N4BP2: variants seen among roughly 807,000 people sequenced by gnomAD.
N4BP2 encodes NEDD4-binding protein 2.
In N4BP2, 91 loss-of-function variants were observed where a neutral mutation model predicts 152.8. The ratio of observed to expected loss-of-function variants is 0.60; its 90% CI spans 0.50 to 0.71. The LOEUF (loss-of-function observed/expected upper bound fraction) is 0.71. Among genes scored for constraint, N4BP2 ranks in the 30% least tolerant of loss-of-function variants. The pLI, the probability that N4BP2 is intolerant of heterozygous loss-of-function variation, is 0.00. For missense variants in N4BP2, 1,923 were observed against 2,059.1 expected (o/e 0.93, Z 1.28); for synonymous variants, 646 against 705.3 (o/e 0.92, Z 1.33).
At chr4:40,061,460 G>A (rs2109882826) in intron 1 of N4BP2, among the ~76,000 whole-genome samples, 1 of 151,292 alleles carries the variant, frequency 6.6e-6, no homozygotes, top group East Asian at 1.9e-4. Context: ...CGCCTCCTGG[G>A]TTCAAGTGAT....
Position 40,121,634 on chromosome 4 carries a change from C to A in N4BP2, c.3523C>A (p.Pro1175Thr). ...AGGAACTTTAGAGAATTCTAATTCT[C>A]CTGTGCCAGAGTTTAGCCATGGGAT... ...QRGTLENSNS[P>T]VPEFSHGIGI... is the part of the protein sequence containing the mutation. Residue 1175 changes from proline (P) to threonine (T), a missense_variant, in exon 9 of 18, where the codon CCT (proline) becomes ACT (threonine). Pro to Thr is a conservative substitution (Grantham distance 38, BLOSUM62 -1). Coordinates refer to ENST00000261435, the MANE Select transcript of N4BP2 (RefSeq NM_018177.6). The A allele has an allele frequency of 6.2e-7, 1 of 1,614,074 alleles. No individual in the cohort carries two copies. Among genetic ancestry groups the A allele is most frequent in the African/African-American group, 1.3e-5 (1 of 75,020 alleles).
At chr4:40,084,722 C>T (rs1335983982) in intron 2 of N4BP2, among the ~76,000 whole-genome samples, 2 of 150,336 alleles carry the variant, frequency 1.3e-5, no homozygotes, top group African/African-American at 2.4e-5. Flanking sequence ...CTCTGCCTCC[C>T]GGGTTCAAGC....
intron 16 of N4BP2, among the ~76,000 whole-genome samples, chr4:40,147,406 A>C (rs4397001): frequency 0.76 from 115,941 of 151,902 alleles, 44,621 homozygotes; most frequent in East Asian, 0.97. Flanking sequence ...TCATCATGGC[A>C]CGTTCTCAAT....
At chr4:40,112,623 T>C in intron 6 of N4BP2, among the ~76,000 whole-genome samples, 1 of 152,212 alleles carries the variant, frequency 6.6e-6, no homozygotes, top group East Asian at 1.9e-4. Context: ...TTGCCAGATT[T>C]CTTTTAATGT....
the N4BP2 span, among the ~76,000 whole-genome samples, chr4:40,176,503 C>G: frequency 6.6e-6 from 1 of 152,216 alleles, no homozygotes; most frequent in East Asian, 1.9e-4. Context: ...ATAGTTTTGA[C>G]AAAAGTACTC....
At chr4:40,150,236 A>G (rs1409910240) in intron 16 of N4BP2, among the ~76,000 whole-genome samples, 1 of 152,246 alleles carries the variant, frequency 6.6e-6, no homozygotes, top group African/African-American at 2.4e-5. Context: ...CTACGTACGA[A>G]TCATTTTTGC....
intron 13 of N4BP2, 71 bp downstream of exon 13, chr4:40,131,990 C>A: frequency 1.0e-6 from 1 of 969,708 alleles, no homozygotes; most frequent in Non-Finnish European, 1.7e-6. Flanking sequence ...GTTTATTTTT[C>A]TGATAACAAA....
At chr4:40,067,667 G>C (rs927134477) in intron 1 of N4BP2, among the ~76,000 whole-genome samples, 1 of 152,006 alleles carries the variant, frequency 6.6e-6, no homozygotes, top group Non-Finnish European at 1.5e-5. Context: ...AAGGGTTCCA[G>C]TTTCTCTACA....
At chr4:40,145,789 T>G (rs1720456723) in intron 16 of N4BP2, among the ~76,000 whole-genome samples, 1 of 152,190 alleles carries the variant, frequency 6.6e-6, no homozygotes, top group Non-Finnish European at 1.5e-5. Flanking sequence ...TGGAGTTTAT[T>G]GTCTAGTGGG....
At chr4:40,174,498 A>G in the N4BP2 span, among the ~76,000 whole-genome samples, 3 of 151,900 alleles carry the variant, frequency 2.0e-5, no homozygotes, top group Non-Finnish European at 4.4e-5. Context: ...GTGTGTGTTG[A>G]AGAATGGATT....
chr4:40,062,229 C>A (rs1019207198), intron 1 of N4BP2, among the ~76,000 whole-genome samples: 7 of 151,974 alleles, frequency 4.6e-5, no homozygotes, highest in Non-Finnish European at 8.8e-5. Flanking sequence ...CAGGTGCCCA[C>A]CACCACGCCC....
chr4:40,062,639 A>G (rs1035098009), intron 1 of N4BP2, among the ~76,000 whole-genome samples: 1 of 150,488 alleles, frequency 6.6e-6, no homozygotes, highest in African/African-American at 2.5e-5. Context: ...CCTTATTGAC[A>G]CTTGGCTGTC....
Position 40,144,759 on chromosome 4 carries a change from C to G in N4BP2, c.5102C>G (p.Ala1701Gly). The G allele has an allele frequency of 6.2e-7, 1 of 1,613,348 alleles. No homozygotes were observed. The highest frequency in any genetic ancestry group is 8.5e-7 in the Non-Finnish European group (1 of 1,179,762). Residue 1701 changes from alanine (A) to glycine (G), a missense_variant, in exon 16 of 18, where the codon GCT (alanine) becomes GGT (glycine). Physicochemically the swap from Ala to Gly is moderately conservative, Grantham distance 60. Transcript: ENST00000261435. ...CTCCATGGGCTGCATGTGGATGAAGCTCTAGAACATTTGATGAGAGTTTTA... is the reference window on the plus strand; with the variant it reads ...CTCCATGGGCTGCATGTGGATGAAGGTCTAGAACATTTGATGAGAGTTTTA... ...LDLHGLHVDEALEHLMRVLEK... is the reference protein window; with the variant it reads ...LDLHGLHVDEGLEHLMRVLEK...
chr4:40,080,778 C>T (rs1359268378), intron 2 of N4BP2, among the ~76,000 whole-genome samples: 1 of 151,810 alleles, frequency 6.6e-6, no homozygotes, highest in Non-Finnish European at 1.5e-5. Context: ...CTGCCTCAGC[C>T]TCCCACGTAG....
chr4:40,139,958 C>G (rs1365218994), intron 14 of N4BP2, among the ~76,000 whole-genome samples: 2 of 151,292 alleles, frequency 1.3e-5, no homozygotes, highest in Non-Finnish European at 2.9e-5. Context: ...AACCACCACA[C>G]CTGGCTAATT....
At position 40,120,613 on chromosome 4, in the gene N4BP2, T is replaced by C. The variant is rs773041524; in HGVS notation, c.2502T>C (p.Asn834=). 6 of 1,614,042 alleles carry C rather than the reference T, an allele frequency of 3.7e-6. No individual in the cohort carries two copies. In the Admixed American group the frequency reaches 5.0e-5, roughly 13 times the overall value. ...AATTAGTTAACAGTGTATCTGTGAA[T>C]ACAGATTGTGTCCAGCAACGAGGAT... The part of the protein sequence containing the change: ...SHKLVNSVSV[N]TDCVQQRGSP... The change falls in exon 9 of 18, where the codon AAT becomes AAC. Residue 834 remains asparagine (N), a synonymous_variant. Transcript: ENST00000261435.
chr4:40,074,081 C>T (rs891488142), intron 2 of N4BP2, among the ~76,000 whole-genome samples: 3 of 151,884 alleles, frequency 2.0e-5, no homozygotes, highest in East Asian at 1.9e-4. Context: ...CGTGAGCCAC[C>T]GAGCCCTGCT....
intron 2 of N4BP2, among the ~76,000 whole-genome samples, chr4:40,076,553 A>G (rs984226292): frequency 1.3e-5 from 2 of 151,748 alleles, no homozygotes; most frequent in Non-Finnish European, 2.9e-5. Flanking sequence ...CAGTGGCGCC[A>G]TCTCGGCTCA....
intron 6 of N4BP2, among the ~76,000 whole-genome samples, chr4:40,112,454 A>AT (rs1161274637): frequency 1.3e-5 from 2 of 151,912 alleles, no homozygotes; most frequent in African/African-American, 4.8e-5. Context: ...TTATAATTTT[A>AT]TTTTTTTGTT....
Sources: gnomAD v4.1 joint callset for allele counts (sites outside exome capture counted in the v4.1 genomes callset) on GRCh38, gnomAD v4.1.1 for gene constraint, MANE v1.5 for transcripts, NCBI Gene and HGNC (gene_info 2026-07-23, HGNC 2026-07-21) for gene names.